Variants in PRH1 observed in about 807,000 individuals in gnomAD.
PRH1 encodes the protein salivary acidic proline-rich phosphoprotein 1/2.
PRH1 carries 7 observed loss-of-function variants against 7.9 expected under a neutral mutation model. That is an observed-to-expected ratio of 0.89 (90% CI 0.50 to 1.67). PRH1 has a LOEUF of 1.67. Ranked by LOEUF, PRH1 falls within the 40% of genes most tolerant of loss-of-function variation. The pLI is 0.00. For missense variants in PRH1, 109 were observed against 223.6 expected (o/e 0.49, Z 3.27); for synonymous variants, 45 against 80.8 (o/e 0.56, Z 2.38).
At chr12:11,108,514 A>T (rs975900078) in intron 1 of PRH1, among the ~76,000 whole-genome samples, 10 of 152,202 alleles carry the variant, frequency 6.6e-5, no homozygotes, top group African/African-American at 2.2e-4. Context: ...AAGCCCACGG[A>T]GGATGAGCCG....
intron 2 of PRH1, chr12:10,930,671 AC>A (rs1565478750): frequency 6.2e-7 from 1 of 1,613,682 alleles, no homozygotes; most frequent in Non-Finnish European, 8.5e-7. Context: ...GATGGAGGAG[AC>A]TCTGAGCAGT....
chr12:10,896,130 T>C (rs1949641442), intron 2 of PRH1, among the ~76,000 whole-genome samples: 1 of 152,244 alleles, frequency 6.6e-6, no homozygotes, highest in South Asian at 2.1e-4. Flanking sequence ...CCTGCTACTA[T>C]TGACTCTGGT....
chr12:11,133,746 T>A, intron 1 of PRH1: 1 of 1,614,214 alleles, frequency 6.2e-7, no homozygotes, highest in Non-Finnish European at 8.5e-7. Context: ...CTCCTCAATT[T>A]GATCTTCCAA....
In PRH1 at chr12:10,992,233, C is replaced by G. The variant is rs74692886; in HGVS notation, c.-125-18512G>C. The stretch of plus-strand genomic sequence containing the variant: ...AATATTCACTTGACCCTTTCTCAAG[C>G]ACCTGTAGCCATTTCACCTGTAGCC... On this transcript the variant is annotated intron_variant, in intron 1 of 3. Transcript: ENST00000539853. Among the ~76,000 whole-genome samples the G allele has an allele frequency of 4.6e-3, 708 of 152,262 alleles. 9 individuals are homozygous for G. The highest frequency in any genetic ancestry group is 0.016 in the African/African-American group (646 of 41,542).
chr12:11,165,355 A>C (rs1947542728), intron 1 of PRH1, among the ~76,000 whole-genome samples: 1 of 152,024 alleles, frequency 6.6e-6, no homozygotes, highest in Non-Finnish European at 1.5e-5. Flanking sequence ...AATATATAGT[A>C]ATCTGCCTTC....
In PRH1 at chr12:10,930,302, C is replaced by T. The variant is rs752951465; in HGVS notation, c.-59+43353G>A. ...CAAGAAGACGTTCCCTTGGTAATAT[C>T]AGGTAAATCCCAATAAATTCTCAGT... On this transcript the variant is annotated intron_variant, in intron 2 of 3. Coordinates refer to the PRH1 transcript ENST00000539853. The T allele has an allele frequency of 7.4e-6, 12 of 1,612,046 alleles. No individual in the cohort carries two copies. The Admixed American group carries it at 2.0e-4, about 27-fold the overall frequency.
At chr12:11,051,917 G>C (rs1261107997), upstream of PRH1, among the ~76,000 whole-genome samples, 1 of 115,666 alleles carries the variant, frequency 8.6e-6, no homozygotes, top group African/African-American at 2.8e-5. Context: ...CTTCTTTTCT[G>C]AGCTGTTAGA....
chr12:11,074,779 A>C (rs1449441938), intron 1 of PRH1, among the ~76,000 whole-genome samples: 1 of 110,478 alleles, frequency 9.1e-6, no homozygotes, highest in Non-Finnish European at 2.2e-5. Context: ...CTGCCACAAA[A>C]TAACTTTGGC....
intron 1 of PRH1, among the ~76,000 whole-genome samples, chr12:11,168,684 T>A (rs1290885049): frequency 6.6e-6 from 1 of 152,178 alleles, no homozygotes; most frequent in Non-Finnish European, 1.5e-5. Flanking sequence ...AAAAGCATCA[T>A]GCCCAGCAGG....
intron 2 of PRH1, among the ~76,000 whole-genome samples, chr12:10,960,332 A>G (rs1274367514): frequency 6.6e-6 from 1 of 152,226 alleles, no homozygotes; most frequent in African/African-American, 2.4e-5. Flanking sequence ...GGGTGGTAGT[A>G]CATTTTATAT....
At chr12:11,144,092 G>T (rs1358880535) in intron 1 of PRH1, among the ~76,000 whole-genome samples, 1 of 152,148 alleles carries the variant, frequency 6.6e-6, no homozygotes, top group East Asian at 1.9e-4. Flanking sequence ...GTGCTTTCCA[G>T]AAAGCATCAG....
chr12:11,039,680 G>A (rs539165777), intron 1 of PRH1, among the ~76,000 whole-genome samples: 1 of 152,348 alleles, frequency 6.6e-6, no homozygotes, highest in South Asian at 2.1e-4. Context: ...GTAATATGTA[G>A]AATGAATCCC....
rs76290059 is a variant in PRH1, at chr12:10,957,167, C to T, written c.-59+16488G>A. The stretch of plus-strand genomic sequence containing the variant: ...TATAACATTACCTGACTGAACCATA[C>T]TACAAGGATACAGAGACTAAAACAG... On this transcript the variant is annotated intron_variant, in intron 2 of 3. Coordinates refer to the PRH1 transcript ENST00000539853. Among the ~76,000 whole-genome samples the T allele has an allele frequency of 1.4e-3, 215 of 151,016 alleles. 1 individual carries two copies. Among genetic ancestry groups the T allele is most frequent in the African/African-American group, 5.0e-3 (206 of 41,234 alleles).
At chr12:11,127,193 C>CTA (rs1478409682) in intron 1 of PRH1, among the ~76,000 whole-genome samples, 1 of 152,292 alleles carries the variant, frequency 6.6e-6, no homozygotes, top group Admixed American at 6.5e-5. Flanking sequence ...TATTCAAATA[C>CTA]TATATGCTTG....
Position 10,952,456 on chromosome 12 carries a change from G to A in PRH1, c.-59+21199C>T, listed in dbSNP as rs570870560. ...CCAAAAATATGCCTGGAAATGCCAA[G>A]TGATTAGGCCAATAAAATAATTTTT... On this transcript the variant is annotated intron_variant, in intron 2 of 3. Coordinates refer to the PRH1 transcript ENST00000539853. Among the ~76,000 whole-genome samples the A allele has an allele frequency of 5.5e-4, 83 of 152,264 alleles. No individual in the cohort carries two copies. In the South Asian group the frequency reaches 0.013, roughly 24 times the overall value.
At chr12:10,884,118 A>T in intron 1 of PRH1, 36 bp downstream of exon 1, 2 of 1,613,686 alleles carry the variant, frequency 1.2e-6, no homozygotes, top group Non-Finnish European at 1.7e-6. Flanking sequence ...GTAAACCCCA[A>T]TCAGAGTCAC....
At chr12:11,022,859 A>C (rs7961372) in intron 1 of PRH1, among the ~76,000 whole-genome samples, 32,023 of 142,256 alleles carry the variant, frequency 0.23, 3,963 homozygotes, top group Non-Finnish European at 0.29. Flanking sequence ...ACTGAGGTTG[A>C]AGTGGAAAAT....
chr12:10,987,576 C>T (rs931863246), intron 1 of PRH1, among the ~76,000 whole-genome samples: 6 of 151,730 alleles, frequency 4.0e-5, no homozygotes, highest in Non-Finnish European at 7.4e-5. Context: ...GACTGTGACA[C>T]CCCTAAGAGA....
intron 2 of PRH1, among the ~76,000 whole-genome samples, chr12:10,890,420 C>T (rs935724938): frequency 6.6e-6 from 1 of 151,868 alleles, no homozygotes; most frequent in Non-Finnish European, 1.5e-5. Context: ...TGTGTGTGTG[C>T]ACTGTTTGTT....
Sources: allele counts gnomAD v4.1 joint callset (sites outside exome capture counted in the v4.1 genomes callset), GRCh38; gene constraint gnomAD v4.1.1; transcripts MANE v1.5; gene names NCBI Gene and HGNC (gene_info 2026-07-23, HGNC 2026-07-21).